The following PHACTR3 variants were observed in gnomAD, a reference collection of about 807,000 sequenced individuals.
The protein encoded by PHACTR3 is phosphatase and actin regulator 3.
In PHACTR3, 16 loss-of-function variants were observed where a neutral mutation model predicts 66.8. The ratio of observed to expected loss-of-function variants is 0.24; its 90% CI spans 0.16 to 0.36. The LOEUF (loss-of-function observed/expected upper bound fraction) is 0.36. PHACTR3 is among the 10% of genes least tolerant of loss of function. The pLI is 1.00. For missense variants in PHACTR3, 647 were observed against 719.9 expected (o/e 0.90, Z 1.16); for synonymous variants, 323 against 292.1 (o/e 1.11, Z -1.08).
rs2038829686 is a variant in PHACTR3 at position 59,733,165 on chromosome 20, C to T, written c.119-9942C>T. The stretch of plus-strand genomic sequence containing the variant: ...TTATAAGCAGTGTGACTATAAGACA[C>T]TTGTCAAATGGTCTCACTTTGTCCT... On this transcript the variant is annotated intron_variant, in intron 1 of 12. Transcript: ENST00000371015. 2.0e-5 allele frequency among the ~76,000 whole-genome samples: 3 copies of T among 149,790 alleles called. No individual in the cohort carries two copies. The South Asian group carries it at 6.3e-4, about 31-fold the overall frequency.
At chr20:59,715,052 T>G (rs942389395) in intron 1 of PHACTR3, among the ~76,000 whole-genome samples, 28 of 152,212 alleles carry the variant, frequency 1.8e-4, no homozygotes, top group African/African-American at 6.8e-4. Context: ...TTATTCTAAT[T>G]AAGATTATTT....
At chr20:59,763,198 C>T (rs6015574) in intron 4 of PHACTR3, among the ~76,000 whole-genome samples, 2 of 152,348 alleles carry the variant, frequency 1.3e-5, no homozygotes, top group African/African-American at 4.8e-5. Context: ...ACTCTTCCCC[C>T]TTCACTTGGT....
At chr20:59,806,017 T>C in intron 7 of PHACTR3, 24 bp from the exon 8 acceptor site, 1 of 1,608,250 alleles carries the variant, frequency 6.2e-7, no homozygotes, top group Non-Finnish European at 8.5e-7. Context: ...CCTTCTCTCC[T>C]CTTGCCCTGG....
At chr20:59,819,953 A>G (rs961449709) in intron 8 of PHACTR3, among the ~76,000 whole-genome samples, 14 of 152,234 alleles carry the variant, frequency 9.2e-5, no homozygotes. Context: ...AGCTGTTGGC[A>G]TTTAGCAATT....
intron 8 of PHACTR3, among the ~76,000 whole-genome samples, chr20:59,831,803 G>A (rs188189858): frequency 1.6e-4 from 25 of 152,332 alleles, no homozygotes; most frequent in East Asian, 5.8e-4. Context: ...GAGAGGAACC[G>A]GCGCCCATTC....
intron 3 of PHACTR3, among the ~76,000 whole-genome samples, chr20:59,749,699 G>T (rs568910396): frequency 3.3e-5 from 5 of 152,192 alleles, no homozygotes; most frequent in South Asian, 2.1e-4. Flanking sequence ...CTTTTGTAGC[G>T]CAAAGGCAGC....
At chr20:59,840,496 G>T (rs899475253) in intron 10 of PHACTR3, 66 bp downstream of exon 10, 1 of 1,596,942 alleles carries the variant, frequency 6.3e-7, no homozygotes, top group African/African-American at 1.3e-5. Flanking sequence ...TTCGGTAGCA[G>T]GTGGGATGGG....
At chr20:59,708,550 C>T (rs1168634482) in intron 1 of PHACTR3, among the ~76,000 whole-genome samples, 1 of 152,144 alleles carries the variant, frequency 6.6e-6, no homozygotes, top group African/African-American at 2.4e-5. Flanking sequence ...TTCCCTCCCG[C>T]TGAGAGGCAC....
chr20:59,636,280 C>T (rs935956670), intron 1 of PHACTR3, among the ~76,000 whole-genome samples: 3 of 152,106 alleles, frequency 2.0e-5, no homozygotes, highest in African/African-American at 4.8e-5. Context: ...TGGATCAGGT[C>T]GCAGATAGCA....
At chr20:59,662,058 T>C (rs2035826366) in intron 1 of PHACTR3, among the ~76,000 whole-genome samples, 1 of 152,184 alleles carries the variant, frequency 6.6e-6, no homozygotes, top group Non-Finnish European at 1.5e-5. Context: ...TGAAGGGCAC[T>C]CTTTGTGCAG....
upstream of PHACTR3, chr20:59,603,966 G>A (rs534970783): frequency 1.3e-5 from 2 of 152,458 alleles, no homozygotes; most frequent in East Asian, 1.9e-4. Context: ...GCCCTGGGGG[G>A]TGTCGCCTCC....
At chr20:59,696,293 T>C (rs2146595632) in intron 1 of PHACTR3, among the ~76,000 whole-genome samples, 1 of 152,270 alleles carries the variant, frequency 6.6e-6, no homozygotes, top group African/African-American at 2.4e-5. Flanking sequence ...AATAGTACAA[T>C]GACGCTGCCT....
chr20:59,840,471 C>T (rs771670137), intron 10 of PHACTR3, 41 bp downstream of exon 10: 3 of 1,608,284 alleles, frequency 1.9e-6, no homozygotes, highest in Non-Finnish European at 2.5e-6. Context: ...AAAAGGTGGT[C>T]TAGAGAACAG....
Position 59,751,580 on chromosome 20 carries a change from C to T in PHACTR3, c.359-3602C>T, listed in dbSNP as rs547447305. ...TGGGCAGGGCCAGCAGAAGAGAGCC[C>T]GCCAGCTCCCGGGGGTGAGGCAGCA... On this transcript the variant is annotated intron_variant, in intron 3 of 12. Coordinates refer to ENST00000371015, the MANE Select transcript of PHACTR3 (RefSeq NM_080672.5). Among the ~76,000 whole-genome samples, 4 of 152,258 alleles carry T rather than the reference C, an allele frequency of 2.6e-5. No individual in the cohort carries two copies. The East Asian group carries it at 7.8e-4, about 30-fold the overall frequency.
chr20:59,657,812 T>G (rs1407053120), intron 1 of PHACTR3, among the ~76,000 whole-genome samples: 1 of 152,172 alleles, frequency 6.6e-6, no homozygotes, highest in Non-Finnish European at 1.5e-5. Flanking sequence ...ATTTAGAATT[T>G]GTTGAGTACC....
intron 1 of PHACTR3, among the ~76,000 whole-genome samples, chr20:59,709,940 T>C (rs568642136): frequency 6.6e-6 from 1 of 152,032 alleles, no homozygotes; most frequent in African/African-American, 2.4e-5. Flanking sequence ...TGGGACATGG[T>C]CTTTTATGGG....
chr20:59,693,364 A>G (rs1019361701), intron 1 of PHACTR3, among the ~76,000 whole-genome samples: 9 of 152,130 alleles, frequency 5.9e-5, no homozygotes, highest in African/African-American at 2.2e-4. Flanking sequence ...CAGAATCATC[A>G]CCTACTTTTA....
chr20:59,782,221 GGTT>G (rs2040749175), intron 7 of PHACTR3, among the ~76,000 whole-genome samples: 1 of 152,098 alleles, frequency 6.6e-6, no homozygotes, highest in Non-Finnish European at 1.5e-5. Flanking sequence ...AAAAAGAGGT[GGTT>G]GTTTTTTTCA....
chr20:59,840,141 G>T (rs1383250506), intron 9 of PHACTR3, among the ~76,000 whole-genome samples: 2 of 152,166 alleles, frequency 1.3e-5, no homozygotes, highest in Non-Finnish European at 2.9e-5. Context: ...GAGGAGACCA[G>T]GTTGGGATGA....
Sources: allele counts gnomAD v4.1 joint callset (sites outside exome capture counted in the v4.1 genomes callset), GRCh38; gene constraint gnomAD v4.1.1; transcripts MANE v1.5; gene names NCBI Gene and HGNC (gene_info 2026-07-23, HGNC 2026-07-21).